Variants in GOLGA6L9 observed in about 807,000 individuals in gnomAD.
GOLGA6L9 encodes golgin A6 family like 9.
Under a neutral mutation model 51.3 loss-of-function variants are expected in GOLGA6L9, and 19 were observed. The observed-to-expected ratio is 0.37, with a 90% CI of 0.26 to 0.54. The LOEUF (loss-of-function observed/expected upper bound fraction) is 0.54, where lower values mean the gene tolerates loss of function less well. Among genes scored for constraint, GOLGA6L9 ranks in the 20% least tolerant of loss-of-function variants. GOLGA6L9 has a pLI of 0.83. For synonymous variants in GOLGA6L9, 97 were observed against 184.2 expected, an observed-to-expected ratio of 0.53 and a Z score of 3.83; for missense variants, 247 against 464.1, an observed-to-expected ratio of 0.53 and a Z score of 4.30.
chr15:82,433,977 T>A (rs1340259251), intron 5 of GOLGA6L9, 57 bp from the exon 6 acceptor site: 5 of 268,094 alleles, frequency 1.9e-5, no homozygotes, highest in Non-Finnish European at 1.7e-5. Context: ...AAAGGGAGGA[T>A]TTTTTTTTTT....
At chr15:82,424,398 G>T in the GOLGA6L9 span, among the ~76,000 whole-genome samples, 1 of 152,130 alleles carries the variant, frequency 6.6e-6, no homozygotes, top group African/African-American at 2.4e-5. Context: ...TTAAGGGTAA[G>T]TAGAAATTTT....
At chr15:82,417,233 G>C in the GOLGA6L9 span, among the ~76,000 whole-genome samples, 3 of 152,118 alleles carry the variant, frequency 2.0e-5, no homozygotes, top group East Asian at 5.8e-4. Flanking sequence ...AAATATTACT[G>C]TGTCTGTATA....
At position 82,429,973 on chromosome 15, in the gene GOLGA6L9, C is replaced by G. The variant is rs1268716882; in HGVS notation, c.-107C>G. 13 of 1,029,302 alleles carry G rather than the reference C, an allele frequency of 1.3e-5. No individual in the cohort carries two copies. The East Asian group carries it at 1.4e-4, about 11-fold the overall frequency. 63.8% of individuals were successfully genotyped at this position (1,029,302 alleles called of 1,614,324 possible). A position where few individuals can be genotyped will look rare whatever the true frequency, so the allele number is the denominator to read the frequency against. ...GGCTTGGAACATTAAGGCCACGCCCCTATTCTGCGTTCCATTGGTGCCCTG... is the reference window on the plus strand; with the variant it reads ...GGCTTGGAACATTAAGGCCACGCCCGTATTCTGCGTTCCATTGGTGCCCTG... On this transcript the variant is annotated 5_prime_UTR_variant, in exon 1 of 9. Coordinates refer to ENST00000618348, the MANE Select transcript of GOLGA6L9 (RefSeq NM_198181.4).
At chr15:82,420,720 G>A in the GOLGA6L9 span, among the ~76,000 whole-genome samples, 1 of 152,048 alleles carries the variant, frequency 6.6e-6, no homozygotes, top group African/African-American at 2.4e-5. Flanking sequence ...GCAGAAGGAT[G>A]TTGGAGGCTG....
At chr15:82,430,608 G>C in intron 1 of GOLGA6L9, 1 of 10,666 alleles carries the variant, frequency 9.4e-5, no homozygotes, top group Admixed American at 3.8e-4. Context: ...ACCTCCCTAG[G>C]CTTCTTGGGC....
the GOLGA6L9 span, chr15:82,419,254 A>G: frequency 2.2e-5 from 5 of 230,306 alleles, no homozygotes; most frequent in African/African-American, 9.2e-5. Flanking sequence ...TCTGGTGATT[A>G]TTTTATTATT....
chr15:82,427,366 T>A (rs2031230828), upstream of GOLGA6L9, among the ~76,000 whole-genome samples: 1 of 151,378 alleles, frequency 6.6e-6, no homozygotes. Flanking sequence ...TCCCTCTCTC[T>A]CTTTCTTCCT....
At position 82,430,168 on chromosome 15, in the gene GOLGA6L9, AAC is replaced by A. The variant is rs2031366028; in HGVS notation, c.84+10_84+11del. 1.4e-6 allele frequency: 1 copy of A among 691,850 alleles called. No individual in the cohort carries two copies. The highest frequency in any genetic ancestry group is 2.9e-5 in the African/African-American group (1 of 34,410). The allele number at this position is 691,850 out of a possible 1,614,324, so 42.9% of individuals were successfully genotyped here. Reference sequence around the variant, plus strand: ...TTGGCCGCAGCCAAGAAAAAGGTAAAACACACCAGGTCATGGCCCCCAACCCA... The same window carrying A: ...TTGGCCGCAGCCAAGAAAAAGGTAAAACACCAGGTCATGGCCCCCAACCCA... On this transcript the variant is annotated splice_donor_region_variant and intron_variant, in intron 1 of 8. Transcript: ENST00000618348.
rs1451371363 is a variant in GOLGA6L9, at chr15:82,432,778, C to T, written c.265-39C>T. The T allele has an allele frequency of 3.3e-6, 5 of 1,530,466 alleles. No homozygotes were observed. In the East Asian group the frequency reaches 9.0e-5, roughly 28 times the overall value. The allele number at this position is 1,530,466 out of a possible 1,614,324, so 94.8% of individuals were successfully genotyped here. On this transcript the variant is annotated intron_variant, in intron 3 of 8. Transcript: ENST00000618348. ...TGATTATTCTCTCTACCCCTCCCCA[C>T]AATCTTTCTCCAACTCCTTCTCTCT...
At chr15:82,429,623 G>T (rs1190707118), upstream of GOLGA6L9, among the ~76,000 whole-genome samples, 4 of 152,116 alleles carry the variant, frequency 2.6e-5, no homozygotes, top group Non-Finnish European at 4.4e-5. Context: ...TCCATTTGAA[G>T]ATGAAAAATA....
upstream of GOLGA6L9, among the ~76,000 whole-genome samples, chr15:82,427,279 C>CT (rs1225530195): frequency 7.0e-6 from 1 of 143,398 alleles, no homozygotes; most frequent in Non-Finnish European, 1.5e-5. Context: ...TCCATTCTTA[C>CT]TTTCTTTTCT....
In GOLGA6L9 at chr15:82,434,926, TC is replaced by T. The variant is rs2031612113; in HGVS notation, c.1061del (p.Ser354TrpfsTer19). ...LEQQVKELEK[S>X]GGAEEPRGSE... Reference sequence around the variant, plus strand: ...GCAGCAAGTAAAGGAGCTGGAGAAGTCGGGTGAGCTGAAAGAGACTGTAACC... The same window carrying T: ...GCAGCAAGTAAAGGAGCTGGAGAAGTGGGTGAGCTGAAAGAGACTGTAACC... On this transcript the variant is annotated frameshift_variant and splice_region_variant, in exon 7 of 9. Transcript: ENST00000618348. LOFTEE classifies it high-confidence loss of function. 7.0e-7 allele frequency: 1 copy of T among 1,423,510 alleles called. No individual in the cohort carries two copies. Among genetic ancestry groups the T allele is most frequent in the African/African-American group, 1.5e-5 (1 of 68,686 alleles). 88.2% of individuals were successfully genotyped at this position (1,423,510 alleles called of 1,614,324 possible). A position where few individuals can be genotyped will look rare whatever the true frequency, so the allele number is the denominator to read the frequency against.
rs1260310238 is a variant in GOLGA6L9, at chr15:82,439,064, T to C, written c.*2653T>C. 6.6e-6 allele frequency: 1 copy of C among 151,490 alleles called. No homozygotes were observed. Among genetic ancestry groups the C allele is most frequent in the Non-Finnish European group, 1.5e-5 (1 of 67,926 alleles). 9.4% of individuals were successfully genotyped at this position (151,490 alleles called of 1,614,324 possible). On this transcript the variant is annotated 3_prime_UTR_variant, in exon 9 of 9. Transcript: ENST00000618348. ...AATGCATAATGGAAATACTGATTTTTGTCTAAAGTGGCATTATTGACTGCT... is the reference window on the plus strand; with the variant it reads ...AATGCATAATGGAAATACTGATTTTCGTCTAAAGTGGCATTATTGACTGCT...
Position 82,439,033 on chromosome 15 carries a change from A to G in GOLGA6L9, c.*2622A>G, listed in dbSNP as rs2031832989. On this transcript the variant is annotated 3_prime_UTR_variant, in exon 9 of 9. Transcript: ENST00000618348. ...CTTTTACCGATTTATGAATTCTTAT[A>G]CACAGAATGCATAATGGAAATACTG... is the stretch of plus-strand genomic sequence containing the variant. 6.6e-6 allele frequency: 1 copy of G among 150,666 alleles called. No homozygotes were observed. Among genetic ancestry groups the G allele is most frequent in the African/African-American group, 2.5e-5 (1 of 40,744 alleles). The allele number at this position is 150,666 out of a possible 1,614,324, so 9.3% of individuals were successfully genotyped here.
chr15:82,429,425 G>C (rs2031319367), upstream of GOLGA6L9, among the ~76,000 whole-genome samples: 1 of 147,514 alleles, frequency 6.8e-6, no homozygotes, highest in Non-Finnish European at 1.5e-5. Context: ...GTTTTTAAAA[G>C]AAATCTTAAC....
the GOLGA6L9 span, among the ~76,000 whole-genome samples, chr15:82,417,813 G>A: frequency 6.6e-6 from 1 of 152,218 alleles, no homozygotes; most frequent in African/African-American, 2.4e-5. Context: ...ACCAAAATCT[G>A]AGTGAGTGCC....
rs1335961107 is a variant in GOLGA6L9 at position 82,437,632 on chromosome 15, T to C, written c.*1221T>C. On this transcript the variant is annotated 3_prime_UTR_variant, in exon 9 of 9. Transcript: ENST00000618348. ...AGTCTTCAACCATCTGACATAGGAA[T>C]TTACTTCTTTTCCTTGAATGGAGAA... is the stretch of plus-strand genomic sequence containing the variant. 5 of 132,542 alleles carry C rather than the reference T, an allele frequency of 3.8e-5. No homozygotes were observed. Among genetic ancestry groups the C allele is most frequent in the Non-Finnish European group, 6.4e-5 (4 of 62,610 alleles). The allele number at this position is 132,542 out of a possible 1,614,324, so 8.2% of individuals were successfully genotyped here. A position where few individuals can be genotyped will look rare whatever the true frequency, so the allele number is the denominator to read the frequency against.
chr15:82,433,341 G>C (rs2031496940), intron 4 of GOLGA6L9, among the ~76,000 whole-genome samples: 1 of 151,954 alleles, frequency 6.6e-6, no homozygotes. Context: ...CCCTAGAATG[G>C]AAAGCTCAGG....
At chr15:82,420,451 CT>C in the GOLGA6L9 span, among the ~76,000 whole-genome samples, 1 of 151,962 alleles carries the variant, frequency 6.6e-6, no homozygotes, top group Non-Finnish European at 1.5e-5. Context: ...AGGCACTAGT[CT>C]TTTTATTTAC....
Sources: allele counts gnomAD v4.1 joint callset (sites outside exome capture counted in the v4.1 genomes callset), GRCh38; gene constraint gnomAD v4.1.1; transcripts MANE v1.5; gene names NCBI Gene and HGNC (gene_info 2026-07-23, HGNC 2026-07-21).